Variants in LRRC37B observed in about 807,000 individuals in gnomAD.
LRRC37B encodes leucine rich repeat containing 37B.
In LRRC37B, 28 loss-of-function variants were observed where a neutral mutation model predicts 98.3. The observed-to-expected ratio is 0.28, with a 90% confidence interval of 0.21 to 0.39. The LOEUF is 0.39. Among genes scored for constraint, LRRC37B ranks in the 10% least tolerant of loss-of-function variants. LRRC37B has a pLI of 1.00. For synonymous variants in LRRC37B, 364 were observed against 442.7 expected (o/e 0.82, Z 2.23); for missense variants, 938 against 1,182.7 (o/e 0.79, Z 3.03).
At chr17:32,012,520 C>T (rs969312792) in intron 1 of LRRC37B, among the ~76,000 whole-genome samples, 1 of 150,930 alleles carries the variant, frequency 6.6e-6, no homozygotes, top group African/African-American at 2.4e-5. Context: ...AGTTCAAGAC[C>T]AGACCGGCCA....
Position 32,041,276 on chromosome 17 carries a change from T to G in LRRC37B, c.2205-4424T>G, listed in dbSNP as rs749175069. ...GCACCACAGTCCCCAAGATTGCAGC[T>G]TCATCCCCTTTCCGATCTTCCGACA... On this transcript the variant is annotated intron_variant, in intron 7 of 11. Transcript: ENST00000327564. 1.0e-5 allele frequency: 8 copies of G among 762,286 alleles called. No individual in the cohort carries two copies. In the Admixed American group the frequency reaches 1.2e-4, roughly 12 times the overall value. The allele number at this position is 762,286 out of a possible 1,614,324, so 47.2% of individuals were successfully genotyped here. A position where few individuals can be genotyped will look rare whatever the true frequency, so the allele number is the denominator to read the frequency against.
intron 7 of LRRC37B, chr17:32,041,952 G>A (rs755228178): frequency 9.7e-5 from 38 of 392,326 alleles, no homozygotes; most frequent in South Asian, 6.6e-4. Context: ...GGCTTGGATC[G>A]AGTGTCCCTG....
chr17:32,014,264 A>G (rs1910601270), intron 1 of LRRC37B, among the ~76,000 whole-genome samples: 1 of 152,216 alleles, frequency 6.6e-6, no homozygotes, highest in Non-Finnish European at 1.5e-5. Flanking sequence ...ATGAAGATAT[A>G]AAAGTAATGA....
intron 7 of LRRC37B, among the ~76,000 whole-genome samples, chr17:32,043,615 T>C (rs899485473): frequency 3.9e-5 from 6 of 152,192 alleles, no homozygotes; most frequent in African/African-American, 1.4e-4. Flanking sequence ...AGTAAAATGC[T>C]AGGTTATGGT....
intron 7 of LRRC37B, among the ~76,000 whole-genome samples, chr17:32,036,520 A>C (rs1598209356): frequency 6.6e-6 from 1 of 152,242 alleles, no homozygotes; most frequent in East Asian, 1.9e-4. Flanking sequence ...CTAGGTATTT[A>C]AAGTATACCC....
intron 7 of LRRC37B, chr17:32,040,534 A>C: frequency 1.4e-6 from 1 of 736,904 alleles, no homozygotes; most frequent in Admixed American, 1.7e-5. Context: ...CGATGACTTC[A>C]AAGAGATGGA....
rs755289956 is a variant in LRRC37B, at chr17:32,022,003, C to T, written c.938C>T (p.Ala313Val). 12 of 1,614,028 alleles carry T rather than the reference C, an allele frequency of 7.4e-6. No homozygotes were observed. In the East Asian group the frequency reaches 8.9e-5, roughly 12 times the overall value. Residue 313 changes from alanine to valine, a missense_variant, in exon 1 of 12, where the codon GCG becomes GTG. By Grantham distance (64) the Ala-to-Val change is moderately conservative (BLOSUM62 0). This residue lies in a region of LRRC37B where 610 missense variants were observed against 625.6 expected (regional missense o/e 0.98). Coordinates refer to ENST00000327564, the Ensembl canonical transcript of LRRC37B. Reference sequence around the variant, plus strand: ...TCTTCACTCCAGGAAGAAGCCCCAGCGCAGCTTCTACAGCTCCCTCAGGAG... The same window carrying T: ...TCTTCACTCCAGGAAGAAGCCCCAGTGCAGCTTCTACAGCTCCCTCAGGAG...
intron 1 of LRRC37B, among the ~76,000 whole-genome samples, chr17:32,011,920 A>T (rs1354914554): frequency 1.3e-5 from 2 of 152,236 alleles, no homozygotes; most frequent in Non-Finnish European, 2.9e-5. Flanking sequence ...GATTTGTTTT[A>T]AAACGTATTG....
rs753034944 is a variant in LRRC37B, at chr17:32,021,049, T to G, written c.-17T>G. On this transcript the variant is annotated 5_prime_UTR_variant, in exon 1 of 12. Transcript: ENST00000327564. ...CTAATAAAGGTGACATAAATAAAGG[T>G]GTCATAAAGACAGGGCATGGCACAC... The G allele has an allele frequency of 9.4e-6, 15 of 1,602,402 alleles. 1 individual carries two copies. The South Asian group carries it at 1.4e-4, about 15-fold the overall frequency.
rs545168577 is a variant in LRRC37B, at chr17:32,038,020, G to A, written c.2204+2381G>A. ...CGGGCACCTTTAGTCCCAGCTACTC[G>A]GGAGGCTGAGGCAGGAGAATGGCGT... is the stretch of plus-strand genomic sequence containing the variant. On this transcript the variant is annotated intron_variant, in intron 7 of 11. Transcript: ENST00000327564. 2.6e-4 allele frequency among the ~76,000 whole-genome samples: 39 copies of A among 152,138 alleles called. No homozygotes were observed. In the South Asian group the frequency reaches 5.8e-3, roughly 23 times the overall value.
intron 1 of LRRC37B, among the ~76,000 whole-genome samples, chr17:32,009,678 GC>G (rs1435571974): frequency 1.3e-5 from 2 of 151,826 alleles, no homozygotes; most frequent in African/African-American, 4.8e-5. Flanking sequence ...TTTCACCCAC[GC>G]TGGAGTGCAG....
chr17:32,024,393 T>C (rs1910885045), intron 1 of LRRC37B: 1 of 588,470 alleles, frequency 1.7e-6, no homozygotes. Context: ...TTTGTGTTGA[T>C]TTGTAGGAGT....
chr17:32,019,176 C>G (rs1910709891), upstream of LRRC37B, among the ~76,000 whole-genome samples: 1 of 152,222 alleles, frequency 6.6e-6, no homozygotes, highest in African/African-American at 2.4e-5. Flanking sequence ...ATCCACCCAC[C>G]TCTGCATCCC....
chr17:32,049,156 A>G, exon 10 of LRRC37B: 1 of 1,613,928 alleles, frequency 6.2e-7, no homozygotes, highest in East Asian at 2.2e-5. Context: ...ATCCCCAACG[A>G]GGATGTGAGA....
In LRRC37B at chr17:32,031,048, A is replaced by C. The variant is rs1348036445; in HGVS notation, c.1976+321A>C. 6.6e-5 allele frequency among the ~76,000 whole-genome samples: 10 copies of C among 152,078 alleles called. 1 individual carries two copies. Among genetic ancestry groups the C allele is most frequent in the African/African-American group, 2.2e-4 (9 of 41,508 alleles). On this transcript the variant is annotated intron_variant, in intron 4 of 11. Transcript: ENST00000327564. ...GTGGGCAGAGGCCAGAGATGCTGCT[A>C]AACATCCTGCAGAGTATAAGACAAA...
chr17:32,052,018 G>A (rs565201713), intron 11 of LRRC37B: 1 of 151,626 alleles, frequency 6.6e-6, no homozygotes, highest in South Asian at 2.1e-4. Flanking sequence ...TGAGGTTTGT[G>A]TGCTGCTCTC....
intron 5 of LRRC37B, among the ~76,000 whole-genome samples, 178 bp downstream of exon 8, chr17:32,031,636 A>G (rs1161201558): frequency 2.6e-5 from 4 of 151,908 alleles, no homozygotes; most frequent in Admixed American, 2.6e-4. Context: ...TACACAGTTT[A>G]TATATGACCT....
intron 8 of LRRC37B, chr17:32,047,537 C>G: frequency 1.7e-6 from 1 of 597,430 alleles, no homozygotes; most frequent in South Asian, 2.0e-5. Context: ...CAGAGTTACT[C>G]TATGTCACAC....
At chr17:32,041,677 G>A (rs1340556278) in intron 7 of LRRC37B, 1 of 458,766 alleles carries the variant, frequency 2.2e-6, no homozygotes, top group Non-Finnish European at 4.4e-6. Context: ...CCTCAGCAGG[G>A]AGCCACACTT....
Sources: allele counts gnomAD v4.1 joint callset (sites outside exome capture counted in the v4.1 genomes callset), GRCh38; gene constraint gnomAD v4.1.1; regional missense constraint gnomAD v4.1.1; transcripts MANE v1.5; gene names NCBI Gene and HGNC (gene_info 2026-07-23, HGNC 2026-07-21).